FSTL5: variants seen among roughly 807,000 people sequenced by gnomAD.
The protein encoded by FSTL5 is follistatin like 5.
A neutral mutation model predicts 89.1 loss-of-function variants in FSTL5; 62 were observed. The observed-to-expected ratio is 0.70, with a 90% CI of 0.57 to 0.86. The LOEUF (loss-of-function observed/expected upper bound fraction) is 0.86. Ranked by LOEUF, FSTL5 falls within the 40% of genes least tolerant of loss-of-function variation. The pLI, the probability that FSTL5 is intolerant of heterozygous loss-of-function variation, is 0.00. For synonymous variants in FSTL5, 383 were observed against 346.2 expected, an observed-to-expected ratio of 1.11 and a Z score of -1.18; for missense variants, 1,057 against 1,001.6, an observed-to-expected ratio of 1.06 and a Z score of -0.75.
intron 2 of FSTL5, among the ~76,000 whole-genome samples, chr4:162,048,020 A>C (rs1446335223): frequency 6.6e-6 from 1 of 152,052 alleles, no homozygotes; most frequent in Non-Finnish European, 1.5e-5. Context: ...TATGTTTACA[A>C]TTGTTCATGT....
At chr4:161,600,988 C>T (rs557096171) in intron 7 of FSTL5, among the ~76,000 whole-genome samples, 94 of 152,190 alleles carry the variant, frequency 6.2e-4, no homozygotes, top group African/African-American at 2.1e-3. Flanking sequence ...CAATTATTCA[C>T]CTACACTAGG....
intron 2 of FSTL5, among the ~76,000 whole-genome samples, chr4:162,110,061 G>C (rs993539724): frequency 1.3e-5 from 2 of 151,894 alleles, no homozygotes; most frequent in Admixed American, 6.6e-5. Context: ...GTCAAGACTA[G>C]ATACTTTAAA....
chr4:161,856,543 T>C (rs116425954), intron 4 of FSTL5, among the ~76,000 whole-genome samples: 2 of 152,056 alleles, frequency 1.3e-5, no homozygotes, highest in Admixed American at 6.6e-5. Context: ...AACCTAGAGA[T>C]ACAAAAGTGA....
intron 10 of FSTL5, among the ~76,000 whole-genome samples, chr4:161,531,833 ACT>A (rs1215218311): frequency 6.6e-6 from 1 of 152,008 alleles, no homozygotes; most frequent in African/African-American, 2.4e-5. Context: ...TTATTATAAA[ACT>A]CTGATTTGTA....
At chr4:161,648,330 A>C (rs1736221848) in intron 7 of FSTL5, among the ~76,000 whole-genome samples, 1 of 152,090 alleles carries the variant, frequency 6.6e-6, no homozygotes, top group Non-Finnish European at 1.5e-5. Context: ...CTGCCAGGGG[A>C]TTGGAGCCCC....
At chr4:162,060,779 G>A (rs1019826590) in intron 2 of FSTL5, among the ~76,000 whole-genome samples, 2 of 151,620 alleles carry the variant, frequency 1.3e-5, no homozygotes, top group Non-Finnish European at 2.9e-5. Flanking sequence ...CATAATTTTT[G>A]AGAAAAATTT....
At chr4:161,449,148 A>T (rs1733061182) in intron 15 of FSTL5, among the ~76,000 whole-genome samples, 1 of 152,112 alleles carries the variant, frequency 6.6e-6, no homozygotes, top group Non-Finnish European at 1.5e-5. Flanking sequence ...ATTTAGAAAT[A>T]TCTCTATTCA....
chr4:161,738,042 G>GT (rs931044727), intron 6 of FSTL5, among the ~76,000 whole-genome samples: 3 of 152,082 alleles, frequency 2.0e-5, no homozygotes, highest in South Asian at 2.1e-4. Flanking sequence ...ATATTTTACT[G>GT]TTTTTTCCGA....
At chr4:162,085,744 C>A (rs1438318861) in intron 2 of FSTL5, among the ~76,000 whole-genome samples, 1 of 152,076 alleles carries the variant, frequency 6.6e-6, no homozygotes, top group Non-Finnish European at 1.5e-5. Context: ...CATGGTAGCC[C>A]TGCCATTGAA....
chr4:161,526,220 C>T (rs1201872261), intron 10 of FSTL5, among the ~76,000 whole-genome samples: 2 of 152,086 alleles, frequency 1.3e-5, no homozygotes, highest in Admixed American at 1.3e-4. Context: ...GTATATTATA[C>T]ACACACAGAA....
chr4:161,637,271 G>T (rs1735753299), intron 7 of FSTL5, among the ~76,000 whole-genome samples: 1 of 76,786 alleles, frequency 1.3e-5, no homozygotes, highest in Non-Finnish European at 2.5e-5. Flanking sequence ...CTTTTGAGAA[G>T]TGTCTGTTCA....
intron 8 of FSTL5, among the ~76,000 whole-genome samples, chr4:161,584,659 A>G (rs759042247): frequency 5.3e-5 from 8 of 152,174 alleles, no homozygotes; most frequent in African/African-American, 7.2e-5. Context: ...TGAATTGACT[A>G]TAATCATAGT....
intron 9 of FSTL5, among the ~76,000 whole-genome samples, chr4:161,542,155 T>A (rs767890098): frequency 2.0e-5 from 3 of 152,142 alleles, no homozygotes; most frequent in Non-Finnish European, 2.9e-5. Flanking sequence ...TCTTCTATAA[T>A]ATATATTCAA....
intron 8 of FSTL5, among the ~76,000 whole-genome samples, chr4:161,585,723 G>A (rs1414402723): frequency 6.6e-6 from 1 of 151,990 alleles, no homozygotes; most frequent in Admixed American, 6.6e-5. Flanking sequence ...TTTACCTAGA[G>A]GGTGAGGACC....
chr4:161,466,556 A>G (rs968045858), intron 13 of FSTL5, among the ~76,000 whole-genome samples: 3 of 152,166 alleles, frequency 2.0e-5, no homozygotes, highest in African/African-American at 4.8e-5. Flanking sequence ...ATAATACTTA[A>G]GAGTACTCCC....
intron 4 of FSTL5, among the ~76,000 whole-genome samples, chr4:161,844,340 G>T (rs1731302635): frequency 6.6e-6 from 1 of 152,202 alleles, no homozygotes; most frequent in Non-Finnish European, 1.5e-5. Context: ...TGATGGGAAT[G>T]TAAATTAGTT....
intron 5 of FSTL5, among the ~76,000 whole-genome samples, chr4:161,774,060 G>C (rs1741307652): frequency 6.6e-6 from 1 of 152,018 alleles, no homozygotes. Context: ...AGGAGATTGA[G>C]ACCATCCTGG....
chr4:161,500,300 G>T (rs1730252267), intron 11 of FSTL5, among the ~76,000 whole-genome samples, 166 bp from the exon 12 acceptor site: 1 of 152,050 alleles, frequency 6.6e-6, no homozygotes, highest in Admixed American at 6.6e-5. Flanking sequence ...GCACCACTTT[G>T]TGATATTATG....
chr4:161,608,739 T>C (rs2126632956), intron 7 of FSTL5, among the ~76,000 whole-genome samples: 1 of 152,074 alleles, frequency 6.6e-6, no homozygotes, highest in South Asian at 2.1e-4. Context: ...AAAGAGGATA[T>C]ATGGTGTAAT....
Sources: gnomAD v4.1 joint callset for allele counts (sites outside exome capture counted in the v4.1 genomes callset) on GRCh38, gnomAD v4.1.1 for gene constraint, MANE v1.5 for transcripts, NCBI Gene and HGNC (gene_info 2026-07-23, HGNC 2026-07-21) for gene names.